MAP2K1: variants seen among roughly 807,000 people sequenced by gnomAD.
MAP2K1 encodes the protein dual specificity mitogen-activated protein kinase kinase 1.
In MAP2K1, 16 loss-of-function variants were observed where a neutral mutation model predicts 46.3. The observed-to-expected ratio is 0.35, with a 90% CI of 0.23 to 0.52. The LOEUF is 0.52. Ranked by LOEUF, MAP2K1 falls within the 20% of genes least tolerant of loss-of-function variation. The pLI, the probability that MAP2K1 is intolerant of heterozygous loss-of-function variation, is 0.94. For missense variants in MAP2K1, 263 were observed against 497.1 expected, an observed-to-expected ratio of 0.53 and a Z score of 4.48; for synonymous variants, 183 against 185.6, an observed-to-expected ratio of 0.99 and a Z score of 0.11.
chr15:66,469,693 G>GAC (rs56197290), intron 5 of MAP2K1, among the ~76,000 whole-genome samples: 1,780 of 84,900 alleles, frequency 0.021, 97 homozygotes, highest in African/African-American at 0.064. Flanking sequence ...TCCTTTTAAA[G>GAC]ACACACACAC....
intron 1 of MAP2K1, among the ~76,000 whole-genome samples, chr15:66,397,390 TAAG>T (rs1401471470): frequency 1.3e-5 from 2 of 152,010 alleles, no homozygotes; most frequent in African/African-American, 4.8e-5. Flanking sequence ...AGGCTGGTAA[TAAG>T]AAACCCATGA....
In MAP2K1 at chr15:66,394,589, A is replaced by G. The variant is rs1439657117; in HGVS notation, c.80+7162A>G. On this transcript the variant is annotated intron_variant, in intron 1 of 10. Transcript: ENST00000307102. ...TCCTGCTTCAGCCTCCTAAGTAGCT[A>G]GTACTACCGGCATGTACCACCATGC... 1.5e-4 allele frequency among the ~76,000 whole-genome samples: 23 copies of G among 150,812 alleles called. No individual in the cohort carries two copies. In the Admixed American group the frequency reaches 1.5e-3, roughly 10 times the overall value.
intron 1 of MAP2K1, among the ~76,000 whole-genome samples, chr15:66,421,900 A>G (rs951949885): frequency 2.3e-5 from 3 of 127,936 alleles, no homozygotes; most frequent in African/African-American, 5.8e-5. Context: ...TTTTTTTGCT[A>G]TCTCATTATT....
intron 9 of MAP2K1, 174 bp downstream of exon 9, chr15:66,489,450 G>A: frequency 1.4e-6 from 1 of 706,314 alleles, no homozygotes; most frequent in Non-Finnish European, 2.5e-6. Flanking sequence ...AGACTTATGT[G>A]GCATGTCTAA....
intron 5 of MAP2K1, among the ~76,000 whole-genome samples, chr15:66,473,448 C>G (rs762002075): frequency 6.6e-6 from 1 of 151,912 alleles, no homozygotes; most frequent in Non-Finnish European, 1.5e-5. Flanking sequence ...GTGGCGTGTG[C>G]TGAAGTGGGA....
intron 1 of MAP2K1, among the ~76,000 whole-genome samples, chr15:66,413,869 T>C (rs2093417544): frequency 1.3e-5 from 2 of 151,606 alleles, no homozygotes; most frequent in African/African-American, 4.8e-5. Context: ...TGTCTTGGGG[T>C]TTTTGGGTCT....
chr15:66,393,719 C>G (rs1351095783), intron 1 of MAP2K1, among the ~76,000 whole-genome samples: 1 of 152,222 alleles, frequency 6.6e-6, no homozygotes, highest in African/African-American at 2.4e-5. Flanking sequence ...TGCACTCTAG[C>G]CACACTGTCC....
chr15:66,421,386 C>G (rs1422810635), intron 1 of MAP2K1, among the ~76,000 whole-genome samples: 1 of 151,666 alleles, frequency 6.6e-6, no homozygotes, highest in Non-Finnish European at 1.5e-5. Flanking sequence ...TCCGCTTTGG[C>G]CTTCCAAAGT....
rs182534237 is a variant in MAP2K1 at position 66,437,359 on chromosome 15, A to T, written c.438+467A>T. On this transcript the variant is annotated intron_variant, in intron 3 of 10. Transcript: ENST00000307102. ...GGAGAGGGCAATGGAGAGAGAGGGCATTCATGGGCTAATTAATCATATGCA... is the reference window on the plus strand; with the variant it reads ...GGAGAGGGCAATGGAGAGAGAGGGCTTTCATGGGCTAATTAATCATATGCA... 2.6e-5 allele frequency among the ~76,000 whole-genome samples: 4 copies of T among 152,362 alleles called. No homozygotes were observed. In the East Asian group the frequency reaches 7.7e-4, roughly 29 times the overall value.
intron 1 of MAP2K1, among the ~76,000 whole-genome samples, chr15:66,408,663 C>A (rs1267039047): frequency 6.6e-6 from 1 of 152,046 alleles, no homozygotes; most frequent in Non-Finnish European, 1.5e-5. Context: ...AATCCTGATC[C>A]CTGTGGGGAT....
intron 5 of MAP2K1, among the ~76,000 whole-genome samples, chr15:66,468,033 C>T (rs1892509696): frequency 6.6e-6 from 1 of 152,154 alleles, no homozygotes; most frequent in South Asian, 2.1e-4. Flanking sequence ...TAGTACTTTA[C>T]CAACAATTTT....
At chr15:66,419,296 G>A (rs1386567476) in intron 1 of MAP2K1, among the ~76,000 whole-genome samples, 2 of 152,130 alleles carry the variant, frequency 1.3e-5, no homozygotes, top group East Asian at 1.9e-4. Context: ...GAGGCGGATG[G>A]ATCACCTGAG....
chr15:66,423,121 G>A (rs2093447701), intron 1 of MAP2K1, among the ~76,000 whole-genome samples: 1 of 151,834 alleles, frequency 6.6e-6, no homozygotes, highest in Non-Finnish European at 1.5e-5. Context: ...AAGTTCTGTC[G>A]ACCTATCTTC....
chr15:66,445,148 G>T (rs9672582), intron 5 of MAP2K1, among the ~76,000 whole-genome samples: 9,700 of 144,346 alleles, frequency 0.067, 995 homozygotes, highest in African/African-American at 0.23. Context: ...GAGGGGCAGC[G>T]GGGGGAGGTG....
At chr15:66,399,399 G>A (rs1000232146) in intron 1 of MAP2K1, among the ~76,000 whole-genome samples, 1 of 152,036 alleles carries the variant, frequency 6.6e-6, no homozygotes, top group Non-Finnish European at 1.5e-5. Flanking sequence ...TGTGCTGCTT[G>A]TCTACATTGT....
In MAP2K1 at chr15:66,392,269, T is replaced by TC. The variant is rs2093358269; in HGVS notation, c.80+4842_80+4843insC. On this transcript the variant is annotated intron_variant, in intron 1 of 10. Transcript: ENST00000307102. Reference sequence around the variant, plus strand: ...GTTTTTTTTGGGTTTTTTTTTTTTTTTTTTTTTTTTAAGAAAGGGTTTCGC... The same window carrying TC: ...GTTTTTTTTGGGTTTTTTTTTTTTTTCTTTTTTTTTTAAGAAAGGGTTTCGC... Among the ~76,000 whole-genome samples, 18 of 137,302 alleles carry TC rather than the reference T, an allele frequency of 1.3e-4. 1 individual carries two copies. The highest frequency in any genetic ancestry group is 1.1e-3 in the Admixed American group (15 of 13,578). 90.1% of individuals were successfully genotyped at this position (137,302 alleles called of 152,430 possible).
chr15:66,454,554 C>T lies in MAP2K1; in HGVS notation c.568+9847C>T, dbSNP rs140202706. Among the ~76,000 whole-genome samples the T allele has an allele frequency of 7.8e-3, 1,192 of 152,238 alleles. 13 individuals carry two copies. The highest frequency in any genetic ancestry group is 0.027 in the African/African-American group (1,117 of 41,540). ...TTTTATGATTACCAGCAACAGAAAC[C>T]AGCCTGACTTGGTTTAAGCTTCTAA... is the stretch of plus-strand genomic sequence containing the variant. On this transcript the variant is annotated intron_variant, in intron 5 of 10. Transcript: ENST00000307102.
intron 2 of MAP2K1, 94 bp downstream of exon 2, chr15:66,435,331 T>A: frequency 9.9e-7 from 1 of 1,013,720 alleles, no homozygotes; most frequent in Non-Finnish European, 1.5e-6. Flanking sequence ...TTTTACTCAA[T>A]ACCTTTTTGT....
chr15:66,441,208 C>T (rs1256116853), intron 3 of MAP2K1, among the ~76,000 whole-genome samples: 7 of 152,130 alleles, frequency 4.6e-5, no homozygotes, highest in African/African-American at 7.2e-5. Context: ...TCAAGCAATC[C>T]TCCTGCCTTG....
Sources: allele counts gnomAD v4.1 joint callset (sites outside exome capture counted in the v4.1 genomes callset), GRCh38; gene constraint gnomAD v4.1.1; transcripts MANE v1.5; gene names NCBI Gene and HGNC (gene_info 2026-07-23, HGNC 2026-07-21).